The following TMEM178B variants were observed in gnomAD, a reference collection of about 807,000 sequenced individuals.
The protein encoded by TMEM178B is transmembrane protein 178B.
A neutral mutation model predicts 31.0 loss-of-function variants in TMEM178B; 5 were observed. That is an observed-to-expected ratio of 0.16 (90% CI 0.08 to 0.34). The LOEUF (loss-of-function observed/expected upper bound fraction) is 0.34. Ranked by LOEUF, TMEM178B falls within the 10% of genes least tolerant of loss-of-function variation. The probability of loss-of-function intolerance (pLI) is 1.00; values close to 1 mark genes in which losing one functional copy is unlikely to be tolerated. For synonymous variants in TMEM178B, 164 were observed against 164.0 expected (o/e 1.00, Z 0.00); for missense variants, 275 against 400.3 (o/e 0.69, Z 2.67).
At chr7:141,093,224 G>C (rs934442017) in intron 1 of TMEM178B, among the ~76,000 whole-genome samples, 1 of 152,164 alleles carries the variant, frequency 6.6e-6, no homozygotes, top group Non-Finnish European at 1.5e-5. Flanking sequence ...CAGAGTACAG[G>C]GAGAAGAGAC....
At chr7:141,167,833 C>G (rs1796285995) in intron 1 of TMEM178B, among the ~76,000 whole-genome samples, 1 of 152,214 alleles carries the variant, frequency 6.6e-6, no homozygotes, top group Admixed American at 6.5e-5. Context: ...TCTGAGAAGC[C>G]TACCCGTTGT....
downstream of TMEM178B, among the ~76,000 whole-genome samples, chr7:141,481,102 T>C (rs1802466754): frequency 6.6e-6 from 1 of 152,192 alleles, no homozygotes; most frequent in Admixed American, 6.5e-5. Flanking sequence ...TGCTGGACTC[T>C]GGGCACCACA....
chr7:141,215,337 A>ATTATTATTTTTTTTTT (rs55726735), intron 2 of TMEM178B, among the ~76,000 whole-genome samples: 33 of 141,556 alleles, frequency 2.3e-4, no homozygotes, highest in Non-Finnish European at 3.7e-4. Flanking sequence ...TATTATTATT[A>ATTATTATTTTTTTTTT]TTTTTTGAGA....
chr7:141,166,913 C>A (rs962546815), intron 1 of TMEM178B, among the ~76,000 whole-genome samples: 2 of 152,204 alleles, frequency 1.3e-5, no homozygotes, highest in African/African-American at 2.4e-5. Flanking sequence ...AGCATTCATT[C>A]CCCTTTCTTG....
Position 141,152,645 on chromosome 7 carries a change from G to A in TMEM178B, c.383-59946G>A, listed in dbSNP as rs543081465. The stretch of plus-strand genomic sequence containing the variant: ...AGCAAGAACATTAGCAGGGAATTGG[G>A]AGGTGGAAAGTGGGCTCTCTCGTCC... On this transcript the variant is annotated intron_variant, in intron 1 of 3. Transcript: ENST00000565468. 7.9e-5 allele frequency among the ~76,000 whole-genome samples: 12 copies of A among 152,286 alleles called. 1 individual carries two copies. The highest frequency in any genetic ancestry group is 2.2e-4 in the African/African-American group (9 of 41,562).
intron 2 of TMEM178B, among the ~76,000 whole-genome samples, chr7:141,249,403 C>T (rs550647427): frequency 3.4e-4 from 52 of 152,258 alleles, no homozygotes; most frequent in Middle Eastern, 6.8e-3. Context: ...TATAAATTGC[C>T]CAGTCTCAGG....
chr7:141,189,091 G>A (rs1173105607), intron 1 of TMEM178B, among the ~76,000 whole-genome samples: 1 of 152,240 alleles, frequency 6.6e-6, no homozygotes, highest in Non-Finnish European at 1.5e-5. Flanking sequence ...TCATCTTTCA[G>A]ACAGCTGTGG....
At chr7:141,242,237 C>A (rs1415715347) in intron 2 of TMEM178B, among the ~76,000 whole-genome samples, 1 of 152,198 alleles carries the variant, frequency 6.6e-6, no homozygotes, top group Non-Finnish European at 1.5e-5. Flanking sequence ...TTAGTGGCAA[C>A]AGGCTTTATA....
intron 1 of TMEM178B, among the ~76,000 whole-genome samples, chr7:141,190,476 A>T (rs916026612): frequency 4.8e-5 from 7 of 144,768 alleles, no homozygotes; most frequent in African/African-American, 1.5e-4. Flanking sequence ...ACTGTGGCTA[A>T]TTTTTTTTTT....
At chr7:141,345,502 C>T (rs17162143) in intron 2 of TMEM178B, among the ~76,000 whole-genome samples, 3,415 of 152,218 alleles carry the variant, frequency 0.022, 124 homozygotes, top group African/African-American at 0.077. Flanking sequence ...AAGATGGCAC[C>T]GTTGTAGTGA....
At chr7:141,278,024 T>C (rs1361946195) in intron 2 of TMEM178B, among the ~76,000 whole-genome samples, 3 of 152,138 alleles carry the variant, frequency 2.0e-5, no homozygotes, top group African/African-American at 4.8e-5. Flanking sequence ...CTAATAACAA[T>C]AAATACAACA....
At chr7:141,509,143 A>G in the TMEM178B span, among the ~76,000 whole-genome samples, 15 of 152,190 alleles carry the variant, frequency 9.9e-5, no homozygotes, top group Admixed American at 9.2e-4. Flanking sequence ...TTGTGTGCCA[A>G]TTGAGCATGG....
chr7:141,433,737 A>T (rs1318432116), intron 2 of TMEM178B, among the ~76,000 whole-genome samples: 1 of 152,214 alleles, frequency 6.6e-6, no homozygotes, highest in Non-Finnish European at 1.5e-5. Context: ...CATCTGTAAA[A>T]CTGGAACATT....
chr7:141,447,742 A>G (rs988394611), intron 3 of TMEM178B, among the ~76,000 whole-genome samples: 3 of 152,120 alleles, frequency 2.0e-5, no homozygotes, highest in Non-Finnish European at 2.9e-5. Context: ...AGGGGCTGGC[A>G]TGTGCCCCCT....
In TMEM178B at chr7:141,231,313, G is replaced by GAA. The variant is rs11370976; in HGVS notation, c.496+18620_496+18621dup. On this transcript the variant is annotated intron_variant, in intron 2 of 3. Transcript: ENST00000565468. ...GCTCCTGACCTAGAGCTCAAGAGAA[G>GAA]AAAAAAAAAAAACACGACAAGGCTG... 4.8e-3 allele frequency among the ~76,000 whole-genome samples: 690 copies of GAA among 143,450 alleles called. 5 individuals carry two copies. The highest frequency in any genetic ancestry group is 0.015 in the African/African-American group (583 of 39,588). The allele number at this position is 143,450 out of a possible 152,430, so 94.1% of individuals were successfully genotyped here.
chr7:141,156,418 G>A (rs1485607789), intron 1 of TMEM178B, among the ~76,000 whole-genome samples: 1 of 152,184 alleles, frequency 6.6e-6, no homozygotes, highest in Non-Finnish European at 1.5e-5. Context: ...AACATGCAAA[G>A]TCCCTTGGGA....
chr7:141,206,548 G>A (rs1243367327), intron 1 of TMEM178B, among the ~76,000 whole-genome samples: 2 of 152,174 alleles, frequency 1.3e-5, no homozygotes, highest in African/African-American at 2.4e-5. Flanking sequence ...GAGGTTGGGT[G>A]TTTCTTCCCT....
At position 141,318,278 on chromosome 7, in the gene TMEM178B, G is replaced by A. The variant is rs138563350; in HGVS notation, c.496+105574G>A. ...TGTTGAGCCTGTAAAGATAAAGTAT[G>A]ATGATGGCTGGCCATTCTTTCTTAT... is the stretch of plus-strand genomic sequence containing the variant. On this transcript the variant is annotated intron_variant, in intron 2 of 3. Coordinates refer to ENST00000565468, the MANE Select transcript of TMEM178B (RefSeq NM_001195278.2). The surrounding 1 kb of genome is among the most constrained non-coding windows in gnomAD (Gnocchi z 4.1). Among the ~76,000 whole-genome samples the A allele has an allele frequency of 4.1e-3, 625 of 152,314 alleles. 1 individual carries two copies. The highest frequency in any genetic ancestry group is 0.014 in the Middle Eastern group (4 of 294).
chr7:141,149,455 G>C (rs2129180300), intron 1 of TMEM178B, among the ~76,000 whole-genome samples: 1 of 152,314 alleles, frequency 6.6e-6, no homozygotes, highest in Admixed American at 6.5e-5. Context: ...GGCTGAGGCA[G>C]AAGAATTGTT....
Sources: gnomAD v4.1 joint callset for allele counts (sites outside exome capture counted in the v4.1 genomes callset) on GRCh38, gnomAD v4.1.1 for gene constraint, Gnocchi (gnomAD v3.1) non-coding constraint, MANE v1.5 for transcripts, NCBI Gene and HGNC (gene_info 2026-07-23, HGNC 2026-07-21) for gene names.